Variants in CUL2 observed in about 807,000 individuals in gnomAD.
CUL2 encodes the protein cullin 2.
In CUL2, 22 loss-of-function variants were observed where a neutral mutation model predicts 110.2. The ratio of observed to expected loss-of-function variants is 0.20; its 90% CI spans 0.14 to 0.28. The LOEUF (loss-of-function observed/expected upper bound fraction) is 0.28. Among genes scored for constraint, CUL2 ranks in the 10% least tolerant of loss-of-function variants. The pLI is 1.00. For missense variants in CUL2, 631 were observed against 905.5 expected, an observed-to-expected ratio of 0.70 and a Z score of 3.89; for synonymous variants, 279 against 293.2, an observed-to-expected ratio of 0.95 and a Z score of 0.49.
chr10:35,104,339 T>A (rs899088659), intron 1 of CUL2, among the ~76,000 whole-genome samples: 2 of 152,132 alleles, frequency 1.3e-5, no homozygotes, highest in African/African-American at 4.8e-5. Flanking sequence ...TTAGTTACTC[T>A]GGAGGCTGAG....
chr10:35,032,952 T>C (rs751513619), intron 11 of CUL2, among the ~76,000 whole-genome samples: 2 of 152,126 alleles, frequency 1.3e-5, no homozygotes, highest in Admixed American at 6.5e-5. Flanking sequence ...ATTCCCCTTA[T>C]ATAGCATAAT....
intron 1 of CUL2, among the ~76,000 whole-genome samples, chr10:35,108,792 T>C (rs1449166526): frequency 6.6e-6 from 1 of 152,214 alleles, no homozygotes; most frequent in Non-Finnish European, 1.5e-5. Flanking sequence ...CTTACATTAC[T>C]GTTGGCAGGA....
At position 35,116,044 on chromosome 10, in the gene CUL2, TA is replaced by T. The variant is rs201841516; in HGVS notation, c.-51+10560del. 7.0e-4 allele frequency among the ~76,000 whole-genome samples: 106 copies of T among 150,978 alleles called. 1 individual carries two copies. Among genetic ancestry groups the T allele is most frequent in the African/African-American group, 2.2e-3 (92 of 41,192 alleles). ...TACAGATCTGATAGACATTAAAGGATAAAAAAAAATATTATGGGCCGGGCAC... is the reference window on the plus strand; with the variant it reads ...TACAGATCTGATAGACATTAAAGGATAAAAAAAATATTATGGGCCGGGCAC... On this transcript the variant is annotated intron_variant, in intron 1 of 5. Coordinates refer to the CUL2 transcript ENST00000685421.
At chr10:35,042,342 T>C (rs2085814024) in intron 8 of CUL2, among the ~76,000 whole-genome samples, 2 of 152,172 alleles carry the variant, frequency 1.3e-5, no homozygotes, top group Admixed American at 1.3e-4. Flanking sequence ...ACTTCAATTC[T>C]TTTTAAAGAC....
At chr10:35,050,381 CTA>C (rs2086072473) in intron 5 of CUL2, among the ~76,000 whole-genome samples, 1 of 151,642 alleles carries the variant, frequency 6.6e-6, no homozygotes. Context: ...TATAAATGGG[CTA>C]TAGATACCTA....
At chr10:35,049,584 C>A (rs1313965887) in intron 6 of CUL2, 99 bp downstream of exon 6, 6 of 900,410 alleles carry the variant, frequency 6.7e-6, no homozygotes, top group South Asian at 1.8e-5. Flanking sequence ...GTAAAACCAG[C>A]CCCAAGGCTA....
chr10:35,072,407 T>C (rs536965816), intron 1 of CUL2, among the ~76,000 whole-genome samples: 6 of 151,704 alleles, frequency 4.0e-5, no homozygotes, highest in African/African-American at 1.5e-4. Flanking sequence ...CTCACTCTGT[T>C]GCCCAGGCTG....
chr10:35,124,940 C>G (rs1379559800), intron 1 of CUL2, among the ~76,000 whole-genome samples: 2 of 152,196 alleles, frequency 1.3e-5, no homozygotes, highest in Admixed American at 6.5e-5. Context: ...CCCTCCCCAA[C>G]AGAGAATTAA....
intron 1 of CUL2, among the ~76,000 whole-genome samples, chr10:35,123,622 C>A (rs1450077329): frequency 6.6e-6 from 1 of 152,024 alleles, no homozygotes; most frequent in Non-Finnish European, 1.5e-5. Flanking sequence ...AGAAGAATGA[C>A]CAAAATCGTT....
At chr10:35,102,951 C>T (rs975720851) in intron 1 of CUL2, among the ~76,000 whole-genome samples, 1 of 152,082 alleles carries the variant, frequency 6.6e-6, no homozygotes, top group Admixed American at 6.6e-5. Context: ...CCACAATACT[C>T]CAATTATTAA....
chr10:35,010,340 A>T lies in CUL2; in HGVS notation c.2209T>A (p.Ser737Thr). ...DKQYIERSQA[S>T]ADEYSYVA Reference sequence around the variant, plus strand: ...GCGACGTAGCTGTATTCATCTGCCGACGCCTGGCTGCGTTCTATGTATTGT... The same window carrying T: ...GCGACGTAGCTGTATTCATCTGCCGTCGCCTGGCTGCGTTCTATGTATTGT... The change falls in exon 21 of 21, where the codon TCG (serine) becomes ACG (threonine). Residue 737 changes from serine to threonine, a missense_variant. Physicochemically the swap from Ser to Thr is moderately conservative, Grantham distance 58. Around this residue, in one of 3 missense-constraint regions of CUL2, gnomAD observed 159 missense variants for 202.7 expected, o/e 0.78. Transcript: ENST00000374749. The T allele has an allele frequency of 6.2e-7, 1 of 1,611,426 alleles. No individual in the cohort carries two copies. The highest frequency in any genetic ancestry group is 8.5e-7 in the Non-Finnish European group (1 of 1,178,842).
At chr10:35,066,270 T>A (rs1006845562) in intron 2 of CUL2, among the ~76,000 whole-genome samples, 1 of 151,648 alleles carries the variant, frequency 6.6e-6, no homozygotes, top group Non-Finnish European at 1.5e-5. Context: ...TTAAAAAAAA[T>A]ATATAATAAA....
At chr10:35,107,247 T>C (rs149949353) in intron 1 of CUL2, among the ~76,000 whole-genome samples, 3,958 of 152,112 alleles carry the variant, frequency 0.026, 170 homozygotes, top group African/African-American at 0.091. Flanking sequence ...GTGCTGGGAT[T>C]ACAGGCATGA....
chr10:35,027,448 TAGATAC>T (rs1287525349), intron 16 of CUL2, among the ~76,000 whole-genome samples: 1 of 152,160 alleles, frequency 6.6e-6, no homozygotes, highest in African/African-American at 2.4e-5. Context: ...CCGGCAACTT[TAGATAC>T]TTCTAATATT....
At position 35,031,282 on chromosome 10, in the gene CUL2, A is replaced by T; in HGVS notation, c.1386+18T>A. The stretch of plus-strand genomic sequence containing the variant: ...GAATGAATTTCTAGGACAATACCAC[A>T]TTAAAGACTTACATTACCTTTAATT... On this transcript the variant is annotated intron_variant, in intron 14 of 20. Transcript: ENST00000374749. The surrounding 1 kb of genome is among the most constrained non-coding windows in gnomAD (Gnocchi z 4.4). 1 of 1,500,046 alleles carries T rather than the reference A, an allele frequency of 6.7e-7. No individual in the cohort carries two copies. The highest frequency in any genetic ancestry group is 9.1e-7 in the Non-Finnish European group (1 of 1,095,178). 92.9% of individuals were successfully genotyped at this position (1,500,046 alleles called of 1,614,324 possible).
intron 1 of CUL2, among the ~76,000 whole-genome samples, chr10:35,106,501 T>C (rs1481118662): frequency 6.6e-6 from 1 of 151,642 alleles, no homozygotes; most frequent in Admixed American, 6.6e-5. Flanking sequence ...TTTTTTTCTT[T>C]TTTTTTCTTT....
intron 9 of CUL2, among the ~76,000 whole-genome samples, chr10:35,038,128 C>G (rs762487599): frequency 6.6e-6 from 1 of 151,826 alleles, no homozygotes; most frequent in Non-Finnish European, 1.5e-5. Flanking sequence ...CCAGCCTGGG[C>G]GACGGAGCGA....
intron 1 of CUL2, among the ~76,000 whole-genome samples, chr10:35,084,308 A>C (rs754301277): frequency 2.6e-5 from 4 of 152,154 alleles, no homozygotes; most frequent in Non-Finnish European, 5.9e-5. Context: ...ATCAGTCTGA[A>C]TTTTTAATTC....
intron 1 of CUL2, among the ~76,000 whole-genome samples, chr10:35,107,036 A>G (rs2087467907): frequency 6.6e-6 from 1 of 152,018 alleles, no homozygotes; most frequent in Middle Eastern, 3.4e-3. Context: ...GTGCAGTGGC[A>G]TGATCTCAGC....
Sources: gnomAD v4.1 joint callset for allele counts (sites outside exome capture counted in the v4.1 genomes callset) on GRCh38, gnomAD v4.1.1 for gene constraint, gnomAD v4.1.1 regional missense constraint, Gnocchi (gnomAD v3.1) non-coding constraint, MANE v1.5 for transcripts, NCBI Gene and HGNC (gene_info 2026-07-23, HGNC 2026-07-21) for gene names.